TENM1: variants seen among roughly 807,000 people sequenced by gnomAD.
TENM1 encodes the protein teneurin-1.
Under a neutral mutation model 174.8 loss-of-function variants are expected in TENM1, and 35 were observed. That is an observed-to-expected ratio of 0.20 (90% CI 0.15 to 0.27). The LOEUF is 0.27. Ranked by LOEUF, TENM1 falls within the 10% of genes least tolerant of loss-of-function variation. The pLI is 1.00. For synonymous variants in TENM1, 781 were observed against 798.7 expected (o/e 0.98, Z 0.37); for missense variants, 1,633 against 2,130.1 (o/e 0.77, Z 4.59).
chrX:124,975,467 T>A, the TENM1 span, among the ~76,000 whole-genome samples: 1 of 111,878 alleles, frequency 8.9e-6, no homozygotes, highest in Admixed American at 9.5e-5. Flanking sequence ...GTAATAGGCT[T>A]TAAATATGGT....
intron 1 of TENM1, among the ~76,000 whole-genome samples, chrX:124,919,139 C>T (rs1170040868): frequency 1.8e-5 from 2 of 112,032 alleles, no homozygotes; most frequent in Admixed American, 9.5e-5. Flanking sequence ...CTCACAGTGC[C>T]CTATTCAAAC....
At chrX:125,029,149 C>G in the TENM1 span, among the ~76,000 whole-genome samples, 29 of 111,744 alleles carry the variant, frequency 2.6e-4, no homozygotes, top group Non-Finnish European at 3.4e-4. Context: ...CTGACACTGA[C>G]CTTACAGGAA....
chrX:124,673,657 G>C (rs2051980444), intron 5 of TENM1, among the ~76,000 whole-genome samples: 1 of 111,385 alleles, frequency 9.0e-6, no homozygotes, highest in African/African-American at 3.3e-5. Context: ...GGAATGCAAA[G>C]AAGGAGATTT....
At chrX:124,908,758 T>C (rs2057789490) in intron 1 of TENM1, among the ~76,000 whole-genome samples, 1 of 111,737 alleles carries the variant, frequency 8.9e-6, no homozygotes, top group African/African-American at 3.3e-5. Context: ...CTTGGTAGCT[T>C]GACCTCCATG....
intron 23 of TENM1, among the ~76,000 whole-genome samples, chrX:124,431,409 T>A (rs1350888945): frequency 8.9e-6 from 1 of 112,061 alleles, no homozygotes; most frequent in African/African-American, 3.2e-5. Flanking sequence ...CCAGGAAGCG[T>A]ATGATTATCT....
exon 20 of TENM1, chrX:124,497,149 G>T: frequency 8.3e-7 from 1 of 1,210,081 alleles, no homozygotes; most frequent in Non-Finnish European, 1.1e-6. Context: ...TTGTGGGCTG[G>T]GCCATTGCAG....
chrX:125,162,223 G>A, the TENM1 span, among the ~76,000 whole-genome samples: 2 of 111,863 alleles, frequency 1.8e-5, no homozygotes, highest in Admixed American at 1.9e-4. Context: ...TAAGCATATG[G>A]AATGGGGATG....
At chrX:124,818,950 C>T (rs1284977410) in intron 3 of TENM1, among the ~76,000 whole-genome samples, 1 of 111,702 alleles carries the variant, frequency 9.0e-6, no homozygotes, top group African/African-American at 3.3e-5. Flanking sequence ...ACATTAAAAA[C>T]AAACTAAACA....
intron 6 of TENM1, among the ~76,000 whole-genome samples, chrX:124,665,798 C>A (rs978936379): frequency 1.8e-5 from 2 of 112,104 alleles, no homozygotes; most frequent in African/African-American, 6.5e-5. Flanking sequence ...GGAGTTTTGC[C>A]AGGAATCTGC....
intron 21 of TENM1, among the ~76,000 whole-genome samples, chrX:124,482,893 A>G (rs939050059): frequency 4.5e-5 from 5 of 112,151 alleles, no homozygotes; most frequent in African/African-American, 1.6e-4. Flanking sequence ...CCAAACCCCA[A>G]ATGTGGAAGT....
At chrX:124,674,303 C>CT (rs2052002949) in intron 5 of TENM1, among the ~76,000 whole-genome samples, 1 of 16,624 alleles carries the variant, frequency 6.0e-5, no homozygotes, top group African/African-American at 2.1e-4. Context: ...TATCAAAAGG[C>CT]AAAAAAAAAA....
chrX:125,122,507 C>A, the TENM1 span, among the ~76,000 whole-genome samples: 1 of 111,895 alleles, frequency 8.9e-6, no homozygotes, highest in East Asian at 2.8e-4. Flanking sequence ...AAATCAATTT[C>A]TGGGTCAGAT....
chrX:124,916,185 C>A (rs1279805692), intron 1 of TENM1, among the ~76,000 whole-genome samples: 1 of 111,916 alleles, frequency 8.9e-6, no homozygotes, highest in Admixed American at 9.5e-5. Flanking sequence ...AAGCTCCTAC[C>A]TTTGTATTGC....
chrX:124,650,657 A>G (rs2148394103), intron 8 of TENM1, among the ~76,000 whole-genome samples: 1 of 111,906 alleles, frequency 8.9e-6, no homozygotes, highest in East Asian at 2.8e-4. Flanking sequence ...TCAACCTTTT[A>G]TAACTCCTCG....
chrX:124,880,648 T>G (rs765759150), intron 3 of TENM1, among the ~76,000 whole-genome samples: 2 of 112,001 alleles, frequency 1.8e-5, no homozygotes, highest in South Asian at 7.5e-4. Context: ...CAGTATGATG[T>G]CAGCTGTGGG....
chrX:125,160,362 GA>G, the TENM1 span, among the ~76,000 whole-genome samples: 1,085 of 84,994 alleles, frequency 0.013, 13 homozygotes, highest in African/African-American at 0.037. Flanking sequence ...CATCTCTACT[GA>G]AAAAAAAAAA....
chrX:124,680,038 G>A (rs1036349750), intron 5 of TENM1, among the ~76,000 whole-genome samples: 50 of 111,107 alleles, frequency 4.5e-4, no homozygotes, highest in African/African-American at 1.5e-3. Context: ...TTGAAAGAAA[G>A]AACTTCGCTA....
At chrX:124,774,232 T>C (rs1414516783) in intron 3 of TENM1, among the ~76,000 whole-genome samples, 1 of 111,704 alleles carries the variant, frequency 9.0e-6, no homozygotes, top group East Asian at 2.8e-4. Flanking sequence ...AGTATCAAAA[T>C]GTGAAACTCA....
In TENM1 at chrX:124,612,273, G is replaced by A. The variant is rs1025100225; in HGVS notation, c.2077+29518C>T. On this transcript the variant is annotated intron_variant, in intron 11 of 31. Coordinates refer to ENST00000422452, the Ensembl canonical transcript of TENM1. ...TGCTAGGGGACACATCAAAACCACT[G>A]GGGTGGCGGGGAGCTTTTCAAACTA... 2.7e-5 allele frequency among the ~76,000 whole-genome samples: 3 copies of A among 110,572 alleles called. No individual in the cohort carries two copies. In the Admixed American group the frequency reaches 2.9e-4, roughly 11 times the overall value.
Sources: allele counts gnomAD v4.1 joint callset (sites outside exome capture counted in the v4.1 genomes callset), GRCh38; gene constraint gnomAD v4.1.1; transcripts MANE v1.5; gene names NCBI Gene and HGNC (gene_info 2026-07-23, HGNC 2026-07-21).